The following TP63 variants were observed in gnomAD, a reference collection of about 807,000 sequenced individuals.
TP63 encodes the protein tumor protein 63.
In TP63, 17 loss-of-function variants were observed where a neutral mutation model predicts 82.8. The observed-to-expected ratio is 0.21, with a 90% CI of 0.14 to 0.31. The LOEUF (loss-of-function observed/expected upper bound fraction) is 0.31, where lower values mean the gene tolerates loss of function less well. Among genes scored for constraint, TP63 ranks in the 10% least tolerant of loss-of-function variants. The pLI is 1.00. For missense variants in TP63, 648 were observed against 895.3 expected (o/e 0.72, Z 3.52); for synonymous variants, 330 against 321.7 (o/e 1.03, Z -0.28).
rs868278992 is a variant in TP63 at position 189,894,265 on chromosome 3, G to T, written c.1806G>T (p.Leu602=). 6.2e-7 allele frequency: 1 copy of T among 1,613,732 alleles called. No individual in the cohort carries two copies. The highest frequency in any genetic ancestry group is 1.3e-5 in the African/African-American group (1 of 74,830). The part of the protein sequence containing the change: ...QFRHAIWKGI[L]DHRQLHEFSS... Reference sequence around the variant, plus strand: ...GACATGCGATCTGGAAGGGCATCCTGGACCACCGGCAGCTCCACGAATTCT... The same window carrying T: ...GACATGCGATCTGGAAGGGCATCCTTGACCACCGGCAGCTCCACGAATTCT... The change falls in exon 14 of 14, where the codon CTG becomes CTT. Residue 602 remains leucine (L), a synonymous_variant. Transcript: ENST00000264731.
chr3:189,790,872 G>T (rs985766766), intron 3 of TP63, among the ~76,000 whole-genome samples: 1 of 152,144 alleles, frequency 6.6e-6, no homozygotes, highest in Non-Finnish European at 1.5e-5. Flanking sequence ...AGGAAGAGTA[G>T]AGCAGAGGGC....
intron 1 of TP63, among the ~76,000 whole-genome samples, chr3:189,682,536 G>GAA (rs375284237): frequency 1.6e-3 from 30 of 19,182 alleles, no homozygotes; most frequent in African/African-American, 2.6e-3. Flanking sequence ...GTCCTAAGGG[G>GAA]AAAAAAAAAA....
intron 4 of TP63, among the ~76,000 whole-genome samples, chr3:189,838,756 A>G (rs541989217): frequency 1.1e-4 from 16 of 152,328 alleles, no homozygotes; most frequent in African/African-American, 3.8e-4. Flanking sequence ...ATTAAAGAGC[A>G]AATCTGATCT....
chr3:189,770,457 C>CG (rs963174733), intron 3 of TP63, among the ~76,000 whole-genome samples: 91 of 151,480 alleles, frequency 6.0e-4, no homozygotes, highest in African/African-American at 2.2e-3. Flanking sequence ...CCCAGCTGCT[C>CG]GGGGGGCTGA....
At chr3:189,765,494 G>A (rs1576905297) in intron 3 of TP63, among the ~76,000 whole-genome samples, 1 of 116,016 alleles carries the variant, frequency 8.6e-6, no homozygotes, top group African/African-American at 3.3e-5. Flanking sequence ...AGAGTGCAGT[G>A]GGGGGATCTT....
chr3:189,766,206 A>G (rs573986597), intron 3 of TP63, among the ~76,000 whole-genome samples: 1 of 152,198 alleles, frequency 6.6e-6, no homozygotes, highest in African/African-American at 2.4e-5. Context: ...TAAAAAAATA[A>G]TAACTAGTGA....
intron 3 of TP63, among the ~76,000 whole-genome samples, chr3:189,783,402 T>C (rs566081064): frequency 3.3e-5 from 5 of 152,126 alleles, no homozygotes; most frequent in African/African-American, 1.2e-4. Context: ...ACGTGTAGTT[T>C]CTAGGATAAA....
rs577477319 is a variant in TP63, at chr3:189,712,462, C to T, written c.63-25278C>T. Among the ~76,000 whole-genome samples the T allele has an allele frequency of 3.9e-5, 6 of 152,274 alleles. No individual in the cohort carries two copies. In the South Asian group the frequency reaches 1.2e-3, roughly 32 times the overall value. ...GGCTGGAAAGTCTTAGATCAAGGCA[C>T]TGGTGGATTCCGTCTGATGAGCACC... is the stretch of plus-strand genomic sequence containing the variant. On this transcript the variant is annotated intron_variant, in intron 1 of 13. Transcript: ENST00000264731.
chr3:189,848,590 C>T (rs1324010817), intron 4 of TP63, among the ~76,000 whole-genome samples: 1 of 152,106 alleles, frequency 6.6e-6, no homozygotes. Context: ...TGGGATGACT[C>T]AGTAATAGAA....
rs1039227920 is a variant in TP63 at position 189,894,499 on chromosome 3, G to C, written c.2040G>C (p.Glu680Asp). Residue 680 changes from glutamate (E) to aspartate (D), a missense_variant, in exon 14 of 14, where the codon GAG (glutamate) becomes GAC (aspartate). Coordinates refer to ENST00000264731, the MANE Select transcript of TP63 (RefSeq NM_003722.5). Reference protein sequence around the residue: ...NKQQRIKEEGE With the variant: ...NKQQRIKEEGD ...AACAGCGCATCAAAGAGGAGGGGGA[G>C]TGAGCCTCACCATGTGAGCTCTTCC... The C allele has an allele frequency of 6.2e-7, 1 of 1,613,076 alleles. No individual in the cohort carries two copies.
rs1721419295 is a variant in TP63 at position 189,895,739 on chromosome 3, A to G, written c.*1237A>G. On this transcript the variant is annotated 3_prime_UTR_variant, in exon 14 of 14. Coordinates refer to ENST00000264731, the MANE Select transcript of TP63 (RefSeq NM_003722.5). ...TTTCTTTTAAAGACCCTCCTATTCT[A>G]TAAAACTCTGCATGTAGAGGCTTGT... The G allele has an allele frequency of 4.4e-6, 1 of 228,888 alleles. No homozygotes were observed. Among genetic ancestry groups the G allele is most frequent in the Non-Finnish European group, 8.7e-6 (1 of 115,450 alleles). The allele number at this position is 228,888 out of a possible 1,614,324, so 14.2% of individuals were successfully genotyped here.
chr3:189,808,662 A>G (rs1027988595), intron 4 of TP63, 136 bp downstream of exon 4: 14 of 1,512,968 alleles, frequency 9.3e-6, no homozygotes, highest in Non-Finnish European at 4.5e-6. Flanking sequence ...AATATTTAAT[A>G]CTGAACCAGA....
At position 189,896,771 on chromosome 3, in the gene TP63, C is replaced by T. The variant is rs1233758124; in HGVS notation, c.*2269C>T. ...GCGAGGCACCCTTACTGGCTTACCTCCTCATGGCAGCCTACTCTCCTTGAG... is the reference window on the plus strand; with the variant it reads ...GCGAGGCACCCTTACTGGCTTACCTTCTCATGGCAGCCTACTCTCCTTGAG... On this transcript the variant is annotated 3_prime_UTR_variant, in exon 14 of 14. Transcript: ENST00000264731. 4.9e-6 allele frequency: 1 copy of T among 205,888 alleles called. No homozygotes were observed. Among genetic ancestry groups the T allele is most frequent in the African/African-American group, 2.3e-5 (1 of 43,776 alleles). 12.8% of individuals were successfully genotyped at this position (205,888 alleles called of 1,614,324 possible).
intron 4 of TP63, among the ~76,000 whole-genome samples, chr3:189,841,295 G>T (rs1486597477): frequency 6.6e-6 from 1 of 152,174 alleles, no homozygotes; most frequent in Non-Finnish European, 1.5e-5. Flanking sequence ...GGGAATACAG[G>T]TGACTTTCTT....
intron 4 of TP63, among the ~76,000 whole-genome samples, chr3:189,853,617 C>G (rs949571885): frequency 1.3e-5 from 2 of 152,196 alleles, no homozygotes; most frequent in Non-Finnish European, 2.9e-5. Context: ...TTCACACTCA[C>G]TCCCCTGACT....
chr3:189,614,248 C>A, the TP63 span, among the ~76,000 whole-genome samples: 2 of 152,148 alleles, frequency 1.3e-5, no homozygotes, highest in Non-Finnish European at 2.9e-5. Flanking sequence ...CTGTGCTATT[C>A]TCTTGATAGT....
At chr3:189,621,134 G>C in the TP63 span, among the ~76,000 whole-genome samples, 1 of 152,102 alleles carries the variant, frequency 6.6e-6, no homozygotes, top group African/African-American at 2.4e-5. Flanking sequence ...GATGCCCATT[G>C]ACTGTGCAAA....
intron 4 of TP63, among the ~76,000 whole-genome samples, chr3:189,843,898 A>G (rs1714499595): frequency 6.6e-6 from 1 of 152,118 alleles, no homozygotes; most frequent in Non-Finnish European, 1.5e-5. Context: ...CCCATTATAC[A>G]CATGTAGTTT....
At chr3:189,675,997 G>T (rs923108581) in intron 1 of TP63, among the ~76,000 whole-genome samples, 2 of 151,676 alleles carry the variant, frequency 1.3e-5, no homozygotes, top group African/African-American at 4.8e-5. Flanking sequence ...CATTAGTAAA[G>T]ATTTTATTTT....
Sources: allele counts gnomAD v4.1 joint callset (sites outside exome capture counted in the v4.1 genomes callset), GRCh38; gene constraint gnomAD v4.1.1; transcripts MANE v1.5; gene names NCBI Gene and HGNC (gene_info 2026-07-23, HGNC 2026-07-21).